Variants in GTF2F2 observed in about 807,000 individuals in gnomAD.
GTF2F2 encodes the protein general transcription factor IIF subunit 2.
In GTF2F2, 23 loss-of-function variants were observed where a neutral mutation model predicts 42.2. The ratio of observed to expected loss-of-function variants is 0.55; its 90% confidence interval spans 0.39 to 0.77. The LOEUF (loss-of-function observed/expected upper bound fraction) is 0.77, where lower values mean the gene tolerates loss of function less well. Ranked by LOEUF, GTF2F2 falls within the 30% of genes least tolerant of loss-of-function variation. The probability of loss-of-function intolerance (pLI) is 0.00; values close to 1 mark genes in which losing one functional copy is unlikely to be tolerated. For synonymous variants in GTF2F2, 105 were observed against 100.8 expected (o/e 1.04, Z -0.25); for missense variants, 261 against 287.2 (o/e 0.91, Z 0.66).
chr13:45,257,873 C>G (rs1876168991), intron 6 of GTF2F2, among the ~76,000 whole-genome samples: 1 of 152,098 alleles, frequency 6.6e-6, no homozygotes, highest in South Asian at 2.1e-4. Context: ...TTCATGTTTT[C>G]ATTTGCTTTC....
intron 3 of GTF2F2, among the ~76,000 whole-genome samples, chr13:45,150,218 A>G (rs1317996854): frequency 6.6e-6 from 1 of 152,190 alleles, no homozygotes; most frequent in Non-Finnish European, 1.5e-5. Context: ...GAGATGAGTA[A>G]TTTTGTTTAT....
At chr13:45,123,883 G>C in intron 1 of GTF2F2, 1 of 335,926 alleles carries the variant, frequency 3.0e-6, no homozygotes, top group Non-Finnish European at 5.5e-6. Context: ...TCTTCAGGGG[G>C]TCTGCATGGA....
intron 5 of GTF2F2, among the ~76,000 whole-genome samples, chr13:45,212,468 TTTCTTTCTTTC>T (rs1873706366): frequency 2.2e-5 from 3 of 135,056 alleles, no homozygotes; most frequent in South Asian, 2.4e-4. Flanking sequence ...TCTTTCTTTC[TTTCTTTCTTTC>T]TTTCTTTCTT....
intron 5 of GTF2F2, among the ~76,000 whole-genome samples, chr13:45,225,447 A>G (rs1250035110): frequency 1.3e-5 from 2 of 150,804 alleles, no homozygotes; most frequent in East Asian, 1.9e-4. Flanking sequence ...AATCTTTCCT[A>G]TAAGAATAAC....
At chr13:45,124,010 T>C in intron 1 of GTF2F2, 2 of 1,101,988 alleles carry the variant, frequency 1.8e-6, no homozygotes, top group Non-Finnish European at 2.7e-6. Flanking sequence ...GGTCCAGGGG[T>C]CTTACTCCTT....
chr13:45,212,587 A>G (rs907898888), intron 5 of GTF2F2, among the ~76,000 whole-genome samples: 6 of 132,688 alleles, frequency 4.5e-5, no homozygotes, highest in Non-Finnish European at 1.5e-5. Flanking sequence ...TTTTGAGACA[A>G]GTCTTGCTTG....
rs75208449 is a variant in GTF2F2, at chr13:45,130,546, A to G, written c.67-6187A>G. ...AGGCTGTTAAAACAATAATTATTCA[A>G]GAGATGATGGTGGCTTGGGCTAGGG... On this transcript the variant is annotated intron_variant, in intron 1 of 7. Transcript: ENST00000340473. Among the ~76,000 whole-genome samples, 36 of 152,300 alleles carry G rather than the reference A, an allele frequency of 2.4e-4. No individual in the cohort carries two copies. In the East Asian group the frequency reaches 6.9e-3, roughly 29 times the overall value.
intron 5 of GTF2F2, among the ~76,000 whole-genome samples, chr13:45,223,065 CCTT>C (rs1323308462): frequency 4.0e-5 from 6 of 151,850 alleles, no homozygotes; most frequent in African/African-American, 1.4e-4. Flanking sequence ...TCTATAAAAA[CCTT>C]AAAAAAGCAG....
chr13:45,171,069 CTTTTTTTTTTT>C (rs908914894), intron 4 of GTF2F2, among the ~76,000 whole-genome samples: 12 of 94,244 alleles, frequency 1.3e-4, no homozygotes, highest in South Asian at 6.8e-4. Context: ...AAAACCCTAT[CTTTTTTTTTTT>C]TTTTTTTTTT....
At position 45,283,657 on chromosome 13, in the gene GTF2F2, G is replaced by T; in HGVS notation, c.*96G>T. 1.0e-6 allele frequency: 1 copy of T among 972,702 alleles called. No individual in the cohort carries two copies. Among genetic ancestry groups the T allele is most frequent in the Non-Finnish European group, 1.4e-6 (1 of 706,658 alleles). 60.3% of individuals were successfully genotyped at this position (972,702 alleles called of 1,614,324 possible). ...GGCTTGAACACCGTATGTTAATAGGGGTTAAGTGACAGTACTTTGATTTCT... is the reference window on the plus strand; with the variant it reads ...GGCTTGAACACCGTATGTTAATAGGTGTTAAGTGACAGTACTTTGATTTCT... On this transcript the variant is annotated 3_prime_UTR_variant, in exon 8 of 8. Transcript: ENST00000340473.
chr13:45,154,964 A>G (rs1870678919), intron 4 of GTF2F2, among the ~76,000 whole-genome samples: 1 of 152,182 alleles, frequency 6.6e-6, no homozygotes, highest in Admixed American at 6.5e-5. Context: ...GAGGAGTCTT[A>G]TGTATTTGTT....
chr13:45,185,975 A>G (rs1363487167), intron 4 of GTF2F2, among the ~76,000 whole-genome samples: 1 of 151,600 alleles, frequency 6.6e-6, no homozygotes, highest in Non-Finnish European at 1.5e-5. Flanking sequence ...TATTTTTAAC[A>G]TGGTTTTTTT....
At chr13:45,257,315 T>C (rs1351417937) in intron 6 of GTF2F2, among the ~76,000 whole-genome samples, 1 of 152,172 alleles carries the variant, frequency 6.6e-6, no homozygotes, top group Non-Finnish European at 1.5e-5. Context: ...AGGTTTTTTT[T>C]CCCTAAGTGG....
At chr13:45,168,042 A>G (rs908216259) in intron 4 of GTF2F2, among the ~76,000 whole-genome samples, 3 of 152,176 alleles carry the variant, frequency 2.0e-5, no homozygotes, top group Admixed American at 6.5e-5. Context: ...CTTACTGTAT[A>G]ATGTGTTATG....
chr13:45,190,024 C>T (rs7984838), intron 4 of GTF2F2, among the ~76,000 whole-genome samples: 5,321 of 152,212 alleles, frequency 0.035, 285 homozygotes, highest in African/African-American at 0.12. Context: ...AATTAAAGAG[C>T]TTCTGCACAG....
chr13:45,131,699 A>T lies in GTF2F2; in HGVS notation c.67-5034A>T, dbSNP rs371268795. ...GGTGGGATGATCCCTTGAGTCCAGA[A>T]GTTTGAGACCAGGCTAGGCAATGTG... On this transcript the variant is annotated intron_variant, in intron 1 of 7. Transcript: ENST00000340473. Among the ~76,000 whole-genome samples, 170 of 152,182 alleles carry T rather than the reference A, an allele frequency of 1.1e-3. 1 individual carries two copies. Among genetic ancestry groups the T allele is most frequent in the South Asian group, 2.3e-3 (11 of 4,822 alleles).
chr13:45,222,591 G>A (rs988935252), intron 5 of GTF2F2, among the ~76,000 whole-genome samples: 2 of 146,952 alleles, frequency 1.4e-5, no homozygotes, highest in Non-Finnish European at 3.1e-5. Flanking sequence ...ACTATAGGAT[G>A]AGCACATTTT....
At chr13:45,241,506 C>T (rs879560411) in intron 5 of GTF2F2, among the ~76,000 whole-genome samples, 13 of 152,124 alleles carry the variant, frequency 8.5e-5, no homozygotes, top group Non-Finnish European at 1.5e-4. Flanking sequence ...CAATTAAGCA[C>T]TTGAAATGTG....
chr13:45,221,445 C>A (rs867682427), intron 5 of GTF2F2, among the ~76,000 whole-genome samples: 1 of 152,084 alleles, frequency 6.6e-6, no homozygotes, highest in Non-Finnish European at 1.5e-5. Context: ...TTCAAAAAGA[C>A]CACTGAGGGA....
Sources: gnomAD v4.1 joint callset for allele counts (sites outside exome capture counted in the v4.1 genomes callset) on GRCh38, gnomAD v4.1.1 for gene constraint, MANE v1.5 for transcripts, NCBI Gene and HGNC (gene_info 2026-07-23, HGNC 2026-07-21) for gene names.